The following PALM2AKAP2 variants were observed in gnomAD, a reference collection of about 807,000 sequenced individuals.
PALM2AKAP2 encodes the protein PALM2-AKAP2 fusion protein.
In PALM2AKAP2, 37 loss-of-function variants were observed where a neutral mutation model predicts 71.5. The ratio of observed to expected loss-of-function variants is 0.52; its 90% CI spans 0.40 to 0.68. The LOEUF (loss-of-function observed/expected upper bound fraction) is 0.68. PALM2AKAP2 is among the 30% of genes least tolerant of loss of function. The probability of loss-of-function intolerance (pLI) is 0.00; values close to 1 mark genes in which losing one functional copy is unlikely to be tolerated. For missense variants in PALM2AKAP2, 1,224 were observed against 1,191.8 expected, an observed-to-expected ratio of 1.03 and a Z score of -0.40; for synonymous variants, 468 against 478.8, an observed-to-expected ratio of 0.98 and a Z score of 0.29.
intron 3 of PALM2AKAP2, among the ~76,000 whole-genome samples, chr9:110,167,141 A>G (rs1487632692): frequency 6.6e-6 from 1 of 152,146 alleles, no homozygotes; most frequent in African/African-American, 2.4e-5. Flanking sequence ...TCGCTCCCAC[A>G]TTGAATTACC....
intron 6 of PALM2AKAP2, among the ~76,000 whole-genome samples, chr9:110,001,102 G>T (rs373448830): frequency 6.6e-6 from 1 of 152,176 alleles, no homozygotes; most frequent in African/African-American, 2.4e-5. Context: ...CCTATGTCCT[G>T]AATGGTATTG....
At chr9:110,080,899 C>T (rs1834435282) in intron 1 of PALM2AKAP2, among the ~76,000 whole-genome samples, 1 of 152,196 alleles carries the variant, frequency 6.6e-6, no homozygotes, top group Non-Finnish European at 1.5e-5. Flanking sequence ...AGGCTGGTCT[C>T]AAACTCCCAA....
At chr9:109,885,200 A>G (rs1161295170) in intron 3 of PALM2AKAP2, among the ~76,000 whole-genome samples, 20 of 152,156 alleles carry the variant, frequency 1.3e-4, no homozygotes, top group Admixed American at 1.2e-3. Context: ...CCAAAATGTT[A>G]TTTATAAATT....
intron 6 of PALM2AKAP2, among the ~76,000 whole-genome samples, chr9:109,969,435 A>G (rs773445174): frequency 2.6e-5 from 4 of 152,154 alleles, no homozygotes; most frequent in Non-Finnish European, 5.9e-5. Context: ...TGGTCCACAC[A>G]CTTATGCAAG....
intron 1 of PALM2AKAP2, among the ~76,000 whole-genome samples, chr9:109,851,641 T>G (rs1359884): frequency 0.01 from 1,594 of 152,256 alleles, 36 homozygotes; most frequent in African/African-American, 0.037. Flanking sequence ...CCTGCCTGCA[T>G]GAAGATGATG....
chr9:109,730,181 G>A (rs75081197), intron 1 of PALM2AKAP2, among the ~76,000 whole-genome samples: 6,489 of 152,264 alleles, frequency 0.043, 190 homozygotes, highest in Non-Finnish European at 0.053. Context: ...GAATGCACAA[G>A]GGAATGGAGA....
At chr9:109,762,390 A>C (rs547707290) in intron 1 of PALM2AKAP2, among the ~76,000 whole-genome samples, 1 of 152,156 alleles carries the variant, frequency 6.6e-6, no homozygotes, top group Non-Finnish European at 1.5e-5. Flanking sequence ...ATATTTGTCT[A>C]TTTAACACCC....
chr9:109,838,716 A>G (rs1456339512), intron 1 of PALM2AKAP2, among the ~76,000 whole-genome samples: 3 of 152,228 alleles, frequency 2.0e-5, no homozygotes, highest in Non-Finnish European at 4.4e-5. Context: ...TCCCACAGAA[A>G]TACAAACTAC....
At chr9:109,795,661 G>T (rs896092308) in intron 1 of PALM2AKAP2, among the ~76,000 whole-genome samples, 1 of 152,170 alleles carries the variant, frequency 6.6e-6, no homozygotes, top group African/African-American at 2.4e-5. Context: ...TCTTCCATGG[G>T]CAAGAGATGA....
chr9:110,008,092 G>A (rs1376536585), intron 6 of PALM2AKAP2, among the ~76,000 whole-genome samples: 1 of 152,202 alleles, frequency 6.6e-6, no homozygotes, highest in Non-Finnish European at 1.5e-5. Context: ...TGGTGGGAAA[G>A]TTTGAGTTAT....
At chr9:110,090,373 G>C (rs1344495671) in intron 1 of PALM2AKAP2, 1 of 456,746 alleles carries the variant, frequency 2.2e-6, no homozygotes. Flanking sequence ...CTGAGGGAAA[G>C]TTAGGTCATG....
intron 1 of PALM2AKAP2, among the ~76,000 whole-genome samples, chr9:109,828,582 G>A (rs924854553): frequency 6.6e-6 from 1 of 152,210 alleles, no homozygotes; most frequent in Non-Finnish European, 1.5e-5. Flanking sequence ...AGTGTGCTCT[G>A]TAATATAAAA....
intron 1 of PALM2AKAP2, among the ~76,000 whole-genome samples, chr9:109,805,936 A>T (rs1019543818): frequency 6.6e-6 from 1 of 152,182 alleles, no homozygotes; most frequent in African/African-American, 2.4e-5. Flanking sequence ...GTTGCCTGAG[A>T]TGGGAAGAAT....
exon 3 of PALM2AKAP2, chr9:109,880,650 A>C: frequency 6.2e-7 from 1 of 1,614,070 alleles, no homozygotes; most frequent in South Asian, 1.1e-5. Flanking sequence ...GGATGAGTTC[A>C]GAGTCAAGCA....
At chr9:110,102,892 C>G (rs1200250058) in intron 1 of PALM2AKAP2, among the ~76,000 whole-genome samples, 1 of 152,218 alleles carries the variant, frequency 6.6e-6, no homozygotes, top group Admixed American at 6.5e-5. Flanking sequence ...ACATCCCAGC[C>G]TCTTTCTGCC....
intron 1 of PALM2AKAP2, among the ~76,000 whole-genome samples, chr9:109,781,282 A>T (rs1292248567): frequency 1.3e-5 from 2 of 152,236 alleles, no homozygotes; most frequent in Non-Finnish European, 2.9e-5. Flanking sequence ...GAGCAATCTT[A>T]ACACAGTGTT....
At chr9:109,996,398 C>T (rs912696205) in intron 6 of PALM2AKAP2, among the ~76,000 whole-genome samples, 1 of 152,110 alleles carries the variant, frequency 6.6e-6, no homozygotes, top group Non-Finnish European at 1.5e-5. Context: ...AGGAACAGTC[C>T]CTTGAACTTG....
chr9:110,007,490 C>T (rs574087017), intron 6 of PALM2AKAP2, among the ~76,000 whole-genome samples: 26 of 152,278 alleles, frequency 1.7e-4, no homozygotes, highest in African/African-American at 6.3e-4. Flanking sequence ...AAGCCAGCAA[C>T]ATCATCTGGT....
chr9:110,017,069 C>T (rs1012727959), intron 7 of PALM2AKAP2, among the ~76,000 whole-genome samples: 64 of 152,062 alleles, frequency 4.2e-4, no homozygotes, highest in Non-Finnish European at 6.3e-4. Context: ...TTAGTAGAGA[C>T]GGGGTTTCAC....
Sources: gnomAD v4.1 joint callset for allele counts (sites outside exome capture counted in the v4.1 genomes callset) on GRCh38, gnomAD v4.1.1 for gene constraint, MANE v1.5 for transcripts, NCBI Gene and HGNC (gene_info 2026-07-23, HGNC 2026-07-21) for gene names.